Variants in AKR7A3 observed in about 807,000 individuals in gnomAD.
The protein encoded by AKR7A3 is aldo-keto reductase family 7 member A3, also known as AFB1 aldehyde reductase 2.
AKR7A3 carries 37 observed loss-of-function variants against 32.5 expected under a neutral mutation model. The ratio of observed to expected loss-of-function variants is 1.14; its 90% CI spans 0.88 to 1.50. The LOEUF is 1.50. Among genes scored for constraint, AKR7A3 ranks in the 40% most tolerant of loss-of-function variants. The pLI, the probability that AKR7A3 is intolerant of heterozygous loss-of-function variation, is 0.00. For missense variants in AKR7A3, 412 were observed against 453.2 expected (o/e 0.91, Z 0.83); for synonymous variants, 177 against 188.4 (o/e 0.94, Z 0.50).
intron 1 of AKR7A3, among the ~76,000 whole-genome samples, chr1:19,286,847 G>C (rs1207749529): frequency 6.6e-6 from 1 of 151,862 alleles, no homozygotes; most frequent in Non-Finnish European, 1.5e-5. Flanking sequence ...GAGCAGGTTT[G>C]AGGAACTATT....
chr1:19,281,811 G>A (rs2093719256), downstream of AKR7A3, among the ~76,000 whole-genome samples: 2 of 151,970 alleles, frequency 1.3e-5, no homozygotes, highest in African/African-American at 4.9e-5. Flanking sequence ...TGGAGTCAAA[G>A]ATTATTTTGG....
chr1:19,286,425 T>C, intron 1 of AKR7A3, 53 bp from the exon 2 acceptor site: 1 of 1,568,332 alleles, frequency 6.4e-7, no homozygotes, highest in Non-Finnish European at 8.7e-7. Flanking sequence ...CTCATGCCTG[T>C]AATCCCAGCA....
chr1:19,276,203 A>G, the AKR7A3 span, among the ~76,000 whole-genome samples: 1 of 151,676 alleles, frequency 6.6e-6, no homozygotes. Flanking sequence ...TCTACTAAAA[A>G]TGCAAAAAAT....
chr1:19,285,152 G>A, intron 3 of AKR7A3, 38 bp from the exon 4 acceptor site: 1 of 1,594,086 alleles, frequency 6.3e-7, no homozygotes, highest in South Asian at 1.1e-5. Context: ...GGGTGGATGT[G>A]TCAAAAGAAG....
At chr1:19,275,411 C>CAAA in the AKR7A3 span, among the ~76,000 whole-genome samples, 6 of 138,064 alleles carry the variant, frequency 4.3e-5, no homozygotes, top group Non-Finnish European at 7.8e-5. Context: ...AATTCCATCT[C>CAAA]AAAAAAAAAA....
chr1:19,282,384 A>C (rs1035610991), downstream of AKR7A3, among the ~76,000 whole-genome samples: 1 of 151,712 alleles, frequency 6.6e-6, no homozygotes. Flanking sequence ...ACCATGTGAC[A>C]CGCTGGCGCC....
chr1:19,288,033 G>A (rs1346788527), intron 1 of AKR7A3, among the ~76,000 whole-genome samples: 2 of 152,224 alleles, frequency 1.3e-5, no homozygotes, highest in African/African-American at 2.4e-5. Context: ...AAAGGAGGAA[G>A]CAGATAGTGT....
chr1:19,287,029 A>G lies in AKR7A3; in HGVS notation c.215-657T>C, dbSNP rs540912631. Among the ~76,000 whole-genome samples the G allele has an allele frequency of 2.4e-4, 36 of 151,984 alleles. 1 individual carries two copies. The highest frequency in any genetic ancestry group is 8.7e-4 in the African/African-American group (36 of 41,272). Reference sequence around the variant, plus strand: ...AATAAGGGCCAGGCAGAGGGTACAGATCTGTGGTGGCTCACACCTGTAATC... The same window carrying G: ...AATAAGGGCCAGGCAGAGGGTACAGGTCTGTGGTGGCTCACACCTGTAATC... On this transcript the variant is annotated intron_variant, in intron 1 of 6. Coordinates refer to ENST00000361640, the MANE Select transcript of AKR7A3 (RefSeq NM_012067.3).
At chr1:19,276,525 G>A in the AKR7A3 span, among the ~76,000 whole-genome samples, 1 of 151,574 alleles carries the variant, frequency 6.6e-6, no homozygotes, top group Non-Finnish European at 1.5e-5. Context: ...AAAGAGGCCG[G>A]GCATGGTGGC....
the AKR7A3 span, among the ~76,000 whole-genome samples, chr1:19,277,561 G>A: frequency 1.3e-4 from 20 of 151,298 alleles, no homozygotes; most frequent in Middle Eastern, 3.4e-3. Context: ...TCGCTCTGTT[G>A]TACAGGCTGG....
At chr1:19,286,488 G>C in intron 1 of AKR7A3, 116 bp from the exon 2 acceptor site, 1 of 1,041,808 alleles carries the variant, frequency 9.6e-7, no homozygotes, top group South Asian at 1.5e-5. Context: ...AAGACCAGCT[G>C]GACCAACATG....
the AKR7A3 span, among the ~76,000 whole-genome samples, chr1:19,275,581 G>C: frequency 6.6e-5 from 10 of 151,888 alleles, no homozygotes; most frequent in Admixed American, 4.6e-4. Flanking sequence ...TGAAAAGGGA[G>C]GATTGAGCCC....
At chr1:19,284,547 G>T (rs1318833766) in intron 5 of AKR7A3, 139 bp downstream of exon 5, 3 of 958,704 alleles carry the variant, frequency 3.1e-6, no homozygotes, top group African/African-American at 3.3e-5. Context: ...AACCGATGGA[G>T]GGTTTGGAAA....
downstream of AKR7A3, among the ~76,000 whole-genome samples, chr1:19,280,406 C>T (rs2093716942): frequency 1.3e-5 from 2 of 151,416 alleles, no homozygotes; most frequent in Non-Finnish European, 2.9e-5. Flanking sequence ...ACCATCCTGG[C>T]CCTGTATTTT....
Position 19,288,765 on chromosome 1 carries a change from C to T in AKR7A3, c.-56G>A. 2.8e-6 allele frequency: 4 copies of T among 1,409,332 alleles called. No individual in the cohort carries two copies. The highest frequency in any genetic ancestry group is 3.7e-6 in the Non-Finnish European group (4 of 1,086,874). 87.3% of individuals were successfully genotyped at this position (1,409,332 alleles called of 1,614,324 possible). A position where few individuals can be genotyped will look rare whatever the true frequency, so the allele number is the denominator to read the frequency against. ...AGGAGCCGCGCGCAGCGGTCGGAAG[C>T]ACCAGGCTCGGAGCGGGCGGCCTCG... On this transcript the variant is annotated 5_prime_UTR_variant, in exon 1 of 7. Coordinates refer to ENST00000361640, the MANE Select transcript of AKR7A3 (RefSeq NM_012067.3).
intron 2 of AKR7A3, 35 bp from the exon 3 acceptor site, chr1:19,286,027 A>C: frequency 1.9e-6 from 3 of 1,612,318 alleles, no homozygotes; most frequent in Non-Finnish European, 2.5e-6. Flanking sequence ...AACATAGTGC[A>C]GCCCAGACCA....
the AKR7A3 span, among the ~76,000 whole-genome samples, chr1:19,276,360 C>CAA: frequency 0.011 from 1,180 of 110,980 alleles, 29 homozygotes; most frequent in African/African-American, 0.032. Context: ...GACTCCATCT[C>CAA]AAAAAAAAAA....
At chr1:19,281,608 C>T (rs2093718963), downstream of AKR7A3, among the ~76,000 whole-genome samples, 1 of 151,734 alleles carries the variant, frequency 6.6e-6, no homozygotes. Context: ...GCACTCTAGC[C>T]TGGGAGGCAG....
the AKR7A3 span, chr1:19,274,286 A>T: frequency 1.0e-6 from 1 of 991,074 alleles, no homozygotes; most frequent in East Asian, 3.2e-5. Context: ...GCACCGAGCA[A>T]GCAGCGAAAT....
Sources: allele counts gnomAD v4.1 joint callset (sites outside exome capture counted in the v4.1 genomes callset), GRCh38; gene constraint gnomAD v4.1.1; transcripts MANE v1.5; gene names NCBI Gene and HGNC (gene_info 2026-07-23, HGNC 2026-07-21).